The following NAV3 variants were observed in gnomAD, a reference collection of about 807,000 sequenced individuals.
NAV3 encodes pore membrane and/or filament interacting like protein 1.
Under a neutral mutation model 244.7 loss-of-function variants are expected in NAV3, and 87 were observed. The ratio of observed to expected loss-of-function variants is 0.36; its 90% CI spans 0.30 to 0.42. NAV3 has a LOEUF of 0.42. Ranked by LOEUF, NAV3 falls within the 20% of genes least tolerant of loss-of-function variation. NAV3 has a pLI of 1.00. For missense variants in NAV3, 2,663 were observed against 2,893.3 expected (o/e 0.92, Z 1.83); for synonymous variants, 1,126 against 1,042.2 (o/e 1.08, Z -1.55).
intron 12 of NAV3, among the ~76,000 whole-genome samples, chr12:78,087,664 T>C (rs186697259): frequency 1.2e-4 from 18 of 152,156 alleles, no homozygotes; most frequent in Non-Finnish European, 2.5e-4. Context: ...CTAGAAATAG[T>C]GGTTCATGAA....
chr12:78,004,188 CAA>C (rs199714754), intron 7 of NAV3, among the ~76,000 whole-genome samples: 27 of 152,014 alleles, frequency 1.8e-4, no homozygotes, highest in African/African-American at 5.8e-4. Context: ...TCATTTTTAA[CAA>C]GAGAGATCAT....
Position 78,092,091 on chromosome 12 carries a change from A to G in NAV3, c.2637-24681A>G, listed in dbSNP as rs143986797. On this transcript the variant is annotated intron_variant, in intron 12 of 39. Coordinates refer to ENST00000397909, the MANE Select transcript of NAV3 (RefSeq NM_001024383.2). ...GACACAGTCGTGCACAAGATAAACC[A>G]GGACACAGATTTCATATAACCTAGA... Among the ~76,000 whole-genome samples, 11 of 152,346 alleles carry G rather than the reference A, an allele frequency of 7.2e-5. No individual in the cohort carries two copies. The East Asian group carries it at 2.1e-3, about 29-fold the overall frequency.
intron 2 of NAV3, among the ~76,000 whole-genome samples, chr12:77,781,220 A>T (rs1326313245): frequency 6.6e-6 from 1 of 152,180 alleles, no homozygotes; most frequent in Non-Finnish European, 1.5e-5. Context: ...AGCCAAGGGC[A>T]TTCCAAAGTT....
chr12:77,903,196 A>C (rs1885525599), intron 1 of NAV3, among the ~76,000 whole-genome samples: 1 of 152,198 alleles, frequency 6.6e-6, no homozygotes, highest in Non-Finnish European at 1.5e-5. Flanking sequence ...GACAATCCTA[A>C]GCCAAAAGAA....
intron 2 of NAV3, among the ~76,000 whole-genome samples, chr12:77,657,532 G>A (rs1873180391): frequency 6.6e-6 from 1 of 152,112 alleles, no homozygotes. Flanking sequence ...AGAGGTACAA[G>A]GAGGAACTGG....
At chr12:77,723,934 C>T (rs189851921) in intron 2 of NAV3, among the ~76,000 whole-genome samples, 4 of 151,558 alleles carry the variant, frequency 2.6e-5, no homozygotes, top group East Asian at 3.9e-4. Flanking sequence ...TATGCGTGTT[C>T]ATTCGTTTGT....
At chr12:78,165,708 A>T (rs1957752710) in intron 23 of NAV3, among the ~76,000 whole-genome samples, 2 of 151,986 alleles carry the variant, frequency 1.3e-5, no homozygotes, top group South Asian at 4.1e-4. Flanking sequence ...AACCATAATT[A>T]TGAAGAAGAA....
At position 77,706,120 on chromosome 12, in the gene NAV3, T is replaced by TA. The variant is rs543704054; in HGVS notation, c.72+133861dup. On this transcript the variant is annotated intron_variant, in intron 2 of 8. Coordinates refer to the NAV3 transcript ENST00000550042. ...AACTTTTATGATGCATACTTCAAATTAAAAAAAGATTTTTGGTAGCTAGGA... is the reference window on the plus strand; with the variant it reads ...AACTTTTATGATGCATACTTCAAATTAAAAAAAAGATTTTTGGTAGCTAGGA... Among the ~76,000 whole-genome samples, 345 of 151,350 alleles carry TA rather than the reference T, an allele frequency of 2.3e-3. 16 individuals are homozygous for TA. Among genetic ancestry groups the TA allele is most frequent in the African/African-American group, 8.1e-3 (332 of 40,848 alleles).
rs576873016 is a variant in NAV3, at chr12:77,715,422, T to C, written c.72+143156T>C. 7.2e-5 allele frequency among the ~76,000 whole-genome samples: 11 copies of C among 152,056 alleles called. No individual in the cohort carries two copies. In the East Asian group the frequency reaches 2.1e-3, roughly 29 times the overall value. Reference sequence around the variant, plus strand: ...TTTTTCAACATGAATGTCTAATATTTTTAAAGTTGTCTAAAACAACAAATG... The same window carrying C: ...TTTTTCAACATGAATGTCTAATATTCTTAAAGTTGTCTAAAACAACAAATG... On this transcript the variant is annotated intron_variant, in intron 2 of 8. Transcript: ENST00000550042.
chr12:77,983,312 T>C (rs556149692), intron 5 of NAV3, among the ~76,000 whole-genome samples: 1 of 152,316 alleles, frequency 6.6e-6, no homozygotes, highest in East Asian at 1.9e-4. Flanking sequence ...TGCTTGCAGA[T>C]CTGAAAGTTG....
At chr12:77,602,594 G>T (rs746563946) in intron 2 of NAV3, among the ~76,000 whole-genome samples, 1 of 151,872 alleles carries the variant, frequency 6.6e-6, no homozygotes, top group Admixed American at 6.6e-5. Context: ...TAGGTGCAGA[G>T]AGCCAATAAA....
At chr12:77,917,191 T>A (rs1383273436) in intron 1 of NAV3, among the ~76,000 whole-genome samples, 1 of 151,976 alleles carries the variant, frequency 6.6e-6, no homozygotes, top group Non-Finnish European at 1.5e-5. Context: ...TGGAAGAGGT[T>A]TGCCTGCATT....
At chr12:77,901,762 G>A (rs1481712363) in intron 1 of NAV3, among the ~76,000 whole-genome samples, 1 of 152,030 alleles carries the variant, frequency 6.6e-6, no homozygotes, top group African/African-American at 2.4e-5. Flanking sequence ...TCTTCGTATG[G>A]CCCATGGCTG....
chr12:77,584,468 T>C (rs1869509010), intron 2 of NAV3, among the ~76,000 whole-genome samples: 1 of 152,028 alleles, frequency 6.6e-6, no homozygotes, highest in South Asian at 2.1e-4. Context: ...GCAGAGTCTG[T>C]TTGGTTAGAT....
intron 2 of NAV3, among the ~76,000 whole-genome samples, chr12:77,696,277 A>C (rs1045829933): frequency 6.6e-6 from 1 of 152,214 alleles, no homozygotes; most frequent in Non-Finnish European, 1.5e-5. Context: ...TGATTAGGTT[A>C]CATAAGACTG....
Position 78,007,453 on chromosome 12 carries a change from G to A in NAV3, c.1907+8G>A, listed in dbSNP as rs1874433858. 1 of 1,609,518 alleles carries A rather than the reference G, an allele frequency of 6.2e-7. No homozygotes were observed. Among genetic ancestry groups the A allele is most frequent in the African/African-American group, 1.3e-5 (1 of 74,794 alleles). On this transcript the variant is annotated splice_region_variant and intron_variant, in intron 8 of 39. Transcript: ENST00000397909. ...GGCACCATTCATTTACAGGTAAGGTGGCCTCTGTTTATCCACAGTTGTAAA... is the reference window on the plus strand; with the variant it reads ...GGCACCATTCATTTACAGGTAAGGTAGCCTCTGTTTATCCACAGTTGTAAA...
At position 77,642,760 on chromosome 12, in the gene NAV3, T is replaced by C. The variant is rs572870576; in HGVS notation, c.72+70494T>C. Among the ~76,000 whole-genome samples, 3 of 152,176 alleles carry C rather than the reference T, an allele frequency of 2.0e-5. No individual in the cohort carries two copies. In the South Asian group the frequency reaches 6.2e-4, roughly 32 times the overall value. On this transcript the variant is annotated intron_variant, in intron 2 of 8. Transcript: ENST00000550042. ...TTGATCATTTTTTTTCTTTTGTAGT[T>C]TACTCAAAAAGTGAAAAAAAGTCTT...
At chr12:77,921,142 G>A (rs1887672520) in intron 1 of NAV3, among the ~76,000 whole-genome samples, 1 of 151,928 alleles carries the variant, frequency 6.6e-6, no homozygotes, top group African/African-American at 2.4e-5. Context: ...TTTAAAGCTA[G>A]GGTAACTATT....
At chr12:77,819,299 A>G (rs577172659) in intron 2 of NAV3, among the ~76,000 whole-genome samples, 2 of 152,032 alleles carry the variant, frequency 1.3e-5, no homozygotes, top group Admixed American at 6.6e-5. Flanking sequence ...GAATATTAAC[A>G]TAACTATAAT....
Sources: gnomAD v4.1 joint callset for allele counts (sites outside exome capture counted in the v4.1 genomes callset) on GRCh38, gnomAD v4.1.1 for gene constraint, MANE v1.5 for transcripts, NCBI Gene and HGNC (gene_info 2026-07-23, HGNC 2026-07-21) for gene names.